MSRB3: variants seen among roughly 807,000 people sequenced by gnomAD.
The protein encoded by MSRB3 is methionine sulfoxide reductase B3.
In MSRB3, 13 loss-of-function variants were observed where a neutral mutation model predicts 21.0. That is an observed-to-expected ratio of 0.62 (90% CI 0.40 to 0.98). The LOEUF is 0.98. MSRB3 is among the 50% of genes least tolerant of loss of function. The probability of loss-of-function intolerance (pLI) is 0.00; values close to 1 mark genes in which losing one functional copy is unlikely to be tolerated. For missense variants in MSRB3, 199 were observed against 230.3 expected, an observed-to-expected ratio of 0.86 and a Z score of 0.88; for synonymous variants, 87 against 88.6, an observed-to-expected ratio of 0.98 and a Z score of 0.10.
chr12:65,419,638 T>C lies in MSRB3; in HGVS notation c.293-34090T>C, dbSNP rs148677214. 1.0e-3 allele frequency: 711 copies of C among 709,292 alleles called. 6 individuals are homozygous for C. In the African/African-American group the frequency reaches 0.011, roughly 11 times the overall value. The allele number at this position is 709,292 out of a possible 1,614,324, so 43.9% of individuals were successfully genotyped here. A position where few individuals can be genotyped will look rare whatever the true frequency, so the allele number is the denominator to read the frequency against. ...CAGGTCCTCGATGGTCTTGAAATAA[T>C]GGACCCAGTCTCTGACCTGGGGTCC... On this transcript the variant is annotated intron_variant, in intron 5 of 6. Transcript: ENST00000308259.
rs552340485 is a variant in MSRB3 at position 65,338,514 on chromosome 12, G to A, written c.263+9911G>A. On this transcript the variant is annotated intron_variant, in intron 4 of 6. Coordinates refer to ENST00000308259, the MANE Select transcript of MSRB3 (RefSeq NM_001031679.3). ...CTGTCTCACCTAAGGGAGTGATGAC[G>A]ACGTCTATGGCTAGGACCTTTAACA... Among the ~76,000 whole-genome samples, 20 of 152,248 alleles carry A rather than the reference G, an allele frequency of 1.3e-4. No individual in the cohort carries two copies. The South Asian group carries it at 2.9e-3, about 22-fold the overall frequency.
At chr12:65,412,670 TCTTTGAG>T (rs2136627574) in intron 5 of MSRB3, among the ~76,000 whole-genome samples, 1 of 152,196 alleles carries the variant, frequency 6.6e-6, no homozygotes, top group Non-Finnish European at 1.5e-5. Context: ...TCTTTCCCAC[TCTTTGAG>T]AGGTGTATGG....
At chr12:65,300,232 G>A (rs576658168) in intron 1 of MSRB3, among the ~76,000 whole-genome samples, 4 of 152,134 alleles carry the variant, frequency 2.6e-5, no homozygotes, top group African/African-American at 9.7e-5. Context: ...AGTCACTTTT[G>A]CAGCTGAGGA....
At chr12:65,306,056 G>A (rs2136419270) in intron 1 of MSRB3, among the ~76,000 whole-genome samples, 1 of 152,114 alleles carries the variant, frequency 6.6e-6, no homozygotes, top group Middle Eastern at 3.4e-3. Context: ...GCCCCGAGAG[G>A]GTAAGCAAGT....
chr12:65,294,277 T>G (rs932602974), intron 1 of MSRB3, among the ~76,000 whole-genome samples: 1 of 152,230 alleles, frequency 6.6e-6, no homozygotes, highest in Non-Finnish European at 1.5e-5. Context: ...ATGGCCTACC[T>G]GCCCTCTGGC....
chr12:65,298,684 T>G (rs1245817526), intron 1 of MSRB3, among the ~76,000 whole-genome samples: 1 of 152,146 alleles, frequency 6.6e-6, no homozygotes, highest in Non-Finnish European at 1.5e-5. Flanking sequence ...ATAATTTTAT[T>G]TAATAATTTT....
intron 5 of MSRB3, among the ~76,000 whole-genome samples, chr12:65,390,279 T>C (rs1879406568): frequency 6.6e-6 from 1 of 152,088 alleles, no homozygotes; most frequent in African/African-American, 2.4e-5. Context: ...CAAACGCAAC[T>C]CCTTCAGCTT....
chr12:65,377,107 G>T (rs1170169669), intron 5 of MSRB3, among the ~76,000 whole-genome samples: 1 of 152,148 alleles, frequency 6.6e-6, no homozygotes, highest in African/African-American at 2.4e-5. Flanking sequence ...TCAATTAAAT[G>T]TAGCCTTCCT....
intron 4 of MSRB3, among the ~76,000 whole-genome samples, chr12:65,334,554 C>T (rs1875639252): frequency 6.6e-6 from 1 of 152,108 alleles, no homozygotes; most frequent in Non-Finnish European, 1.5e-5. Context: ...ACACATCTCT[C>T]AATTGTTTGA....
chr12:65,376,502 G>A (rs1418383207), intron 5 of MSRB3, among the ~76,000 whole-genome samples: 1 of 152,108 alleles, frequency 6.6e-6, no homozygotes, highest in Non-Finnish European at 1.5e-5. Flanking sequence ...TGGGACATGC[G>A]TTACACTTGT....
intron 5 of MSRB3, among the ~76,000 whole-genome samples, chr12:65,444,713 C>T (rs774462916): frequency 6.6e-6 from 1 of 152,156 alleles, no homozygotes; most frequent in Non-Finnish European, 1.5e-5. Context: ...TTGAAATCTG[C>T]AGTGTCTCTC....
At chr12:65,386,840 C>T (rs1879219159) in intron 5 of MSRB3, among the ~76,000 whole-genome samples, 1 of 151,936 alleles carries the variant, frequency 6.6e-6, no homozygotes, top group South Asian at 2.1e-4. Context: ...CATGTTAGAG[C>T]AATTCAAAGG....
At chr12:65,455,758 A>G (rs1883061311) in intron 6 of MSRB3, among the ~76,000 whole-genome samples, 1 of 152,010 alleles carries the variant, frequency 6.6e-6, no homozygotes, top group African/African-American at 2.4e-5. Flanking sequence ...TGTTTTTGAA[A>G]TGGGATCTTA....
intron 2 of MSRB3, among the ~76,000 whole-genome samples, chr12:65,314,084 T>G (rs920519961): frequency 6.6e-6 from 1 of 152,156 alleles, no homozygotes; most frequent in African/African-American, 2.4e-5. Flanking sequence ...GCACAAAACC[T>G]TTTTCCATTT....
chr12:65,293,951 C>T (rs943178705), intron 1 of MSRB3, among the ~76,000 whole-genome samples: 4 of 152,150 alleles, frequency 2.6e-5, no homozygotes, highest in Admixed American at 1.3e-4. Context: ...TCAGAGCTCT[C>T]CTGTGGCCTC....
chr12:65,352,806 A>G (rs1458053579), intron 4 of MSRB3, among the ~76,000 whole-genome samples: 39 of 150,952 alleles, frequency 2.6e-4, no homozygotes, highest in East Asian at 2.0e-4. Context: ...TGCTCAATGA[A>G]ATAAAAGAGG....
intron 5 of MSRB3, among the ~76,000 whole-genome samples, chr12:65,408,464 T>A (rs1285101966): frequency 1.3e-5 from 2 of 152,174 alleles, no homozygotes; most frequent in Non-Finnish European, 2.9e-5. Flanking sequence ...TAGTGTGAAG[T>A]TTCATGTTTA....
At chr12:65,411,961 A>G (rs544621968) in intron 5 of MSRB3, among the ~76,000 whole-genome samples, 142 of 152,180 alleles carry the variant, frequency 9.3e-4, no homozygotes, top group Non-Finnish European at 1.8e-3. Context: ...CTCTCATTTT[A>G]TAAATAATAA....
intron 2 of MSRB3, among the ~76,000 whole-genome samples, chr12:65,316,952 G>A (rs1874338003): frequency 6.6e-6 from 1 of 152,082 alleles, no homozygotes; most frequent in African/African-American, 2.4e-5. Context: ...TGAGAAGATG[G>A]GGGTAGGGGT....
Sources: allele counts gnomAD v4.1 joint callset (sites outside exome capture counted in the v4.1 genomes callset), GRCh38; gene constraint gnomAD v4.1.1; transcripts MANE v1.5; gene names NCBI Gene and HGNC (gene_info 2026-07-23, HGNC 2026-07-21).